EPHB2: variants seen among roughly 807,000 people sequenced by gnomAD.
EPHB2 encodes EPH receptor B2, also known as ephrin type-B receptor 2.
EPHB2 carries 18 observed loss-of-function variants against 96.4 expected under a neutral mutation model. That is an observed-to-expected ratio of 0.19 (90% CI 0.13 to 0.28). The LOEUF (loss-of-function observed/expected upper bound fraction) is 0.28, where lower values mean the gene tolerates loss of function less well. Among genes scored for constraint, EPHB2 ranks in the 10% least tolerant of loss-of-function variants. EPHB2 has a pLI of 1.00. For synonymous variants in EPHB2, 506 were observed against 534.1 expected, an observed-to-expected ratio of 0.95 and a Z score of 0.72; for missense variants, 989 against 1,355.4, an observed-to-expected ratio of 0.73 and a Z score of 4.25.
intron 1 of EPHB2, among the ~76,000 whole-genome samples, chr1:22,716,867 G>T (rs913458644): frequency 6.6e-6 from 1 of 152,342 alleles, no homozygotes; most frequent in Admixed American, 6.5e-5. Flanking sequence ...TGCAGAGCAC[G>T]GTGGGCCTCC....
intron 3 of EPHB2, among the ~76,000 whole-genome samples, chr1:22,855,842 C>T (rs1645690047): frequency 6.6e-6 from 1 of 152,162 alleles, no homozygotes; most frequent in South Asian, 2.1e-4. Context: ...GTAACTTGCT[C>T]ATGGTCACAC....
intron 1 of EPHB2, among the ~76,000 whole-genome samples, chr1:22,736,250 C>A (rs537547997): frequency 6.6e-6 from 1 of 152,072 alleles, no homozygotes; most frequent in Non-Finnish European, 1.5e-5. Flanking sequence ...AAGACTGTAC[C>A]TGAAAGGGGA....
rs971411799 is a variant in EPHB2, at chr1:22,771,975, T to C, written c.62-9446T>C. Among the ~76,000 whole-genome samples the C allele has an allele frequency of 3.3e-5, 5 of 152,000 alleles. No individual in the cohort carries two copies. In the South Asian group the frequency reaches 8.3e-4, roughly 25 times the overall value. ...CGTCCCTCAGGGTTGTCATGGGAAC[T>C]AAAGGAGCACTTAATGTGTCCAGGG... On this transcript the variant is annotated intron_variant, in intron 1 of 15. Transcript: ENST00000374630.
At chr1:22,803,324 A>T (rs939682367) in intron 3 of EPHB2, among the ~76,000 whole-genome samples, 74 of 152,230 alleles carry the variant, frequency 4.9e-4, no homozygotes, top group African/African-American at 1.8e-3. Flanking sequence ...AATCGTGGTT[A>T]GGCCGGGCAC....
At chr1:22,867,798 G>A (rs572137586) in intron 5 of EPHB2, among the ~76,000 whole-genome samples, 31 of 152,314 alleles carry the variant, frequency 2.0e-4, no homozygotes, top group Middle Eastern at 6.8e-3. Flanking sequence ...CTTGAACCTG[G>A]GAGGCAGAGC....
chr1:22,906,246 A>G lies in EPHB2; in HGVS notation c.1888+137A>G, dbSNP rs1639911967. On this transcript the variant is annotated intron_variant, in intron 10 of 15. Coordinates refer to ENST00000374630, the MANE Select transcript of EPHB2 (RefSeq NM_017449.5). This position sits in a 1 kb window ranked among gnomAD's most constrained non-coding sequence, Gnocchi z 4.8. ...ACCCCCCAAGGCCTGAAGGTTCAGAATGACCATGAAAGAAGGGCCCTCAAA... is the reference window on the plus strand; with the variant it reads ...ACCCCCCAAGGCCTGAAGGTTCAGAGTGACCATGAAAGAAGGGCCCTCAAA... 7.2e-7 allele frequency: 1 copy of G among 1,381,742 alleles called. No homozygotes were observed. The highest frequency in any genetic ancestry group is 1.0e-6 in the Non-Finnish European group (1 of 1,003,666). The allele number at this position is 1,381,742 out of a possible 1,614,324, so 85.6% of individuals were successfully genotyped here.
intron 6 of EPHB2, among the ~76,000 whole-genome samples, chr1:22,888,673 C>G (rs915382994): frequency 6.6e-6 from 1 of 152,088 alleles, no homozygotes; most frequent in African/African-American, 2.4e-5. Context: ...GAGGAGAGAC[C>G]GAAGGGAATT....
chr1:22,735,054 C>A (rs1643796601), intron 1 of EPHB2, among the ~76,000 whole-genome samples: 1 of 152,126 alleles, frequency 6.6e-6, no homozygotes, highest in Admixed American at 6.5e-5. Flanking sequence ...CACAGCAGGG[C>A]TATGAACCTG....
At chr1:22,752,488 GAAT>G (rs1000291466) in intron 1 of EPHB2, among the ~76,000 whole-genome samples, 1 of 146,346 alleles carries the variant, frequency 6.8e-6, no homozygotes, top group African/African-American at 2.5e-5. Flanking sequence ...CTCAAAGAAA[GAAT>G]AATAATAAAA....
intron 3 of EPHB2, among the ~76,000 whole-genome samples, chr1:22,789,118 C>T (rs1199226013): frequency 2.0e-5 from 3 of 152,084 alleles, no homozygotes; most frequent in African/African-American, 4.8e-5. Context: ...CTCAGACGCA[C>T]GATGTGATAA....
At chr1:22,721,681 A>G (rs141221040) in intron 1 of EPHB2, among the ~76,000 whole-genome samples, 7 of 152,208 alleles carry the variant, frequency 4.6e-5, no homozygotes, top group East Asian at 1.9e-4. Flanking sequence ...CAGTGACGCA[A>G]TCGCAGCTCA....
intron 1 of EPHB2, among the ~76,000 whole-genome samples, chr1:22,726,781 A>T (rs1265570122): frequency 6.6e-6 from 1 of 152,152 alleles, no homozygotes; most frequent in African/African-American, 2.4e-5. Context: ...ATGTTTAGTG[A>T]TATACCCAAG....
At chr1:22,825,281 G>T (rs867221962) in intron 3 of EPHB2, among the ~76,000 whole-genome samples, 1 of 152,198 alleles carries the variant, frequency 6.6e-6, no homozygotes, top group Non-Finnish European at 1.5e-5. Flanking sequence ...ATGAGATGGG[G>T]CTGATAACCT....
chr1:22,840,372 G>A (rs901708642), intron 3 of EPHB2, among the ~76,000 whole-genome samples: 8 of 152,216 alleles, frequency 5.3e-5, no homozygotes, highest in Non-Finnish European at 7.3e-5. Flanking sequence ...AAAAGAGGAG[G>A]AAGTCTGGGA....
At chr1:22,821,043 G>T (rs186505580) in intron 3 of EPHB2, among the ~76,000 whole-genome samples, 12 of 152,304 alleles carry the variant, frequency 7.9e-5, no homozygotes, top group Admixed American at 1.3e-4. Context: ...TAGGCAGCTG[G>T]TACAGCTCCA....
chr1:22,810,847 G>A (rs1009005886), intron 3 of EPHB2, among the ~76,000 whole-genome samples: 12 of 152,098 alleles, frequency 7.9e-5, no homozygotes, highest in South Asian at 2.1e-4. Context: ...AGTATAGTTC[G>A]AATGAGGGAC....
Position 22,790,505 on chromosome 1 carries a change from CTCTT to C in EPHB2, c.811+5433_811+5436del, listed in dbSNP as rs1487366423. 2.0e-5 allele frequency among the ~76,000 whole-genome samples: 3 copies of C among 152,182 alleles called. No individual in the cohort carries two copies. Among genetic ancestry groups the C allele is most frequent in the African/African-American group, 4.8e-5 (2 of 41,444 alleles). ...CCCGCACCCAAGTCTGTTTCTCTGA[CTCTT>C]TCTAGAGTATGATAGGTGTGATTGT... is the stretch of plus-strand genomic sequence containing the variant. On this transcript the variant is annotated intron_variant, in intron 3 of 15. Coordinates refer to ENST00000374630, the MANE Select transcript of EPHB2 (RefSeq NM_017449.5). The surrounding 1 kb of genome is among the most constrained non-coding windows in gnomAD (Gnocchi z 4.0).
chr1:22,840,276 C>T (rs916623648), intron 3 of EPHB2, among the ~76,000 whole-genome samples: 6 of 152,068 alleles, frequency 3.9e-5, no homozygotes, highest in Non-Finnish European at 7.4e-5. Flanking sequence ...GAAGGAATAA[C>T]GATGACTACT....
chr1:22,890,813 G>A (rs1413559941), intron 6 of EPHB2, among the ~76,000 whole-genome samples: 2 of 152,062 alleles, frequency 1.3e-5, no homozygotes, highest in Non-Finnish European at 2.9e-5. Flanking sequence ...CCCTTTGCTC[G>A]GCACTTCTCT....
Sources: gnomAD v4.1 joint callset for allele counts (sites outside exome capture counted in the v4.1 genomes callset) on GRCh38, gnomAD v4.1.1 for gene constraint, Gnocchi (gnomAD v3.1) non-coding constraint, MANE v1.5 for transcripts, NCBI Gene and HGNC (gene_info 2026-07-23, HGNC 2026-07-21) for gene names.